Variants in HLCS observed in about 807,000 individuals in gnomAD.
The protein encoded by HLCS is biotin--protein ligase.
In HLCS, 53 loss-of-function variants were observed where a neutral mutation model predicts 75.0. The observed-to-expected ratio is 0.71, with a 90% CI of 0.57 to 0.89. The LOEUF (loss-of-function observed/expected upper bound fraction) is 0.89, where lower values mean the gene tolerates loss of function less well. Ranked by LOEUF, HLCS falls within the 40% of genes least tolerant of loss-of-function variation. HLCS has a pLI of 0.00. For missense variants in HLCS, 966 were observed against 1,074.0 expected, an observed-to-expected ratio of 0.90 and a Z score of 1.41; for synonymous variants, 431 against 428.6, an observed-to-expected ratio of 1.01 and a Z score of -0.07.
Position 36,946,728 on chromosome 21 carries a change from G to A in HLCS, c.331-7734C>T, listed in dbSNP as rs1038899160. On this transcript the variant is annotated intron_variant, in intron 2 of 10. Coordinates refer to ENST00000674895, the MANE Select transcript of HLCS (RefSeq NM_001352514.2). ...AACCTGTGTAGAATATTTGGACAAA[G>A]AGAAACTCCAGAATTTTCATTTAGC... 4.6e-5 allele frequency among the ~76,000 whole-genome samples: 7 copies of A among 152,226 alleles called. No individual in the cohort carries two copies. In the East Asian group the frequency reaches 1.4e-3, roughly 29 times the overall value.
At chr21:36,836,393 T>C (rs2062412003) in intron 6 of HLCS, among the ~76,000 whole-genome samples, 2 of 151,914 alleles carry the variant, frequency 1.3e-5, no homozygotes, top group South Asian at 4.2e-4. Context: ...ACATGTGACA[T>C]GCTGGTGCGC....
At chr21:36,916,325 C>T (rs770236006) in intron 5 of HLCS, among the ~76,000 whole-genome samples, 8 of 151,896 alleles carry the variant, frequency 5.3e-5, no homozygotes, top group Admixed American at 2.0e-4. Flanking sequence ...TCATAGCATC[C>T]GGCTGTAAGA....
chr21:36,940,323 T>C (rs1445750326), intron 2 of HLCS, among the ~76,000 whole-genome samples: 6 of 152,186 alleles, frequency 3.9e-5, no homozygotes, highest in Admixed American at 2.0e-4. Context: ...AAATAATTTT[T>C]TATTCCATTT....
intron 6 of HLCS, among the ~76,000 whole-genome samples, chr21:36,852,531 GC>G (rs2063046673): frequency 6.6e-6 from 1 of 152,150 alleles, no homozygotes; most frequent in Admixed American, 6.5e-5. Context: ...GCCAGCTGCT[GC>G]CCCACTGACA....
intron 6 of HLCS, among the ~76,000 whole-genome samples, chr21:36,822,389 C>T (rs946682462): frequency 9.9e-5 from 15 of 151,948 alleles, no homozygotes; most frequent in East Asian, 3.9e-4. Flanking sequence ...CACTGTGTGA[C>T]GCAGTGACGG....
chr21:36,771,137 G>A (rs901904673), intron 6 of HLCS, among the ~76,000 whole-genome samples: 5 of 152,010 alleles, frequency 3.3e-5, no homozygotes, highest in African/African-American at 7.2e-5. Context: ...GGAGAATGGC[G>A]TGAACCCGGG....
At chr21:36,852,351 A>G (rs1253689666) in intron 6 of HLCS, among the ~76,000 whole-genome samples, 1 of 152,190 alleles carries the variant, frequency 6.6e-6, no homozygotes, top group African/African-American at 2.4e-5. Context: ...ATTACCATGG[A>G]GCCCCTCTGG....
intron 6 of HLCS, among the ~76,000 whole-genome samples, chr21:36,787,451 T>C (rs985181817): frequency 6.6e-6 from 1 of 152,136 alleles, no homozygotes; most frequent in Non-Finnish European, 1.5e-5. Context: ...CTCAATCTCC[T>C]TGTAGATAAA....
At chr21:36,887,849 A>G (rs1352531467) in intron 6 of HLCS, among the ~76,000 whole-genome samples, 4 of 152,332 alleles carry the variant, frequency 2.6e-5, no homozygotes, top group South Asian at 4.1e-4. Context: ...TTCTTTGCTC[A>G]TTACCTATGT....
At chr21:36,785,315 C>T (rs2060654191) in intron 6 of HLCS, among the ~76,000 whole-genome samples, 1 of 152,176 alleles carries the variant, frequency 6.6e-6, no homozygotes, top group African/African-American at 2.4e-5. Context: ...TCAGGCAGGG[C>T]TTTGCTCCAT....
chr21:36,895,473 T>C (rs1601660450), intron 6 of HLCS, among the ~76,000 whole-genome samples: 1 of 152,072 alleles, frequency 6.6e-6, no homozygotes, highest in East Asian at 1.9e-4. Flanking sequence ...ACCTATGACA[T>C]CACAAATTAA....
intron 1 of HLCS, among the ~76,000 whole-genome samples, chr21:36,973,438 A>G (rs2068850010): frequency 6.6e-6 from 1 of 152,172 alleles, no homozygotes; most frequent in South Asian, 2.1e-4. Flanking sequence ...ATGAAAAAGT[A>G]TGCAGTCTCA....
chr21:36,863,139 A>T (rs1162160277), intron 6 of HLCS, among the ~76,000 whole-genome samples: 1 of 152,144 alleles, frequency 6.6e-6, no homozygotes. Context: ...ATGAGTGCAC[A>T]TTATTCTCCC....
chr21:36,814,307 T>C (rs1226338243), intron 6 of HLCS, among the ~76,000 whole-genome samples: 2 of 152,178 alleles, frequency 1.3e-5, no homozygotes, highest in Admixed American at 6.5e-5. Flanking sequence ...GGTCACTGTC[T>C]CCCCAAAAGG....
chr21:36,966,708 GGCCGGAAGGGCCGCGCCGCCC>G (rs2068614037), upstream of HLCS: 1 of 748,680 alleles, frequency 1.3e-6, no homozygotes, highest in South Asian at 6.0e-5. Context: ...GCCCCGCCCC[GGCCGGAAGGGCCGCGCCGCCC>G]CCCCGGGCCA....
intron 6 of HLCS, among the ~76,000 whole-genome samples, chr21:36,802,389 T>C (rs2061233000): frequency 6.6e-6 from 1 of 152,200 alleles, no homozygotes; most frequent in African/African-American, 2.4e-5. Context: ...TGAAATAGGG[T>C]TGGGAATCAC....
intron 2 of HLCS, among the ~76,000 whole-genome samples, chr21:36,953,862 A>T (rs773540454): frequency 1.3e-5 from 2 of 152,156 alleles, no homozygotes; most frequent in Non-Finnish European, 2.9e-5. Flanking sequence ...CCAACGATGG[A>T]CCATATATAT....
chr21:36,947,568 G>C (rs1241528257), intron 2 of HLCS: 1 of 985,304 alleles, frequency 1.0e-6, no homozygotes, highest in African/African-American at 1.7e-5. Context: ...CACTCCCAAA[G>C]ATCAAAGCTA....
At chr21:36,818,165 G>C (rs2061717106) in intron 6 of HLCS, among the ~76,000 whole-genome samples, 2 of 152,108 alleles carry the variant, frequency 1.3e-5, no homozygotes, top group African/African-American at 4.8e-5. Context: ...GTCAATAAAG[G>C]GAAAAAAGTC....
Sources: gnomAD v4.1 joint callset for allele counts (sites outside exome capture counted in the v4.1 genomes callset) on GRCh38, gnomAD v4.1.1 for gene constraint, MANE v1.5 for transcripts, NCBI Gene and HGNC (gene_info 2026-07-23, HGNC 2026-07-21) for gene names.